GABRB1: variants seen among roughly 807,000 people sequenced by gnomAD.
GABRB1 encodes the protein gamma-aminobutyric acid type A receptor subunit beta1, also known as gamma-aminobutyric acid receptor subunit beta-1.
In GABRB1, 17 loss-of-function variants were observed where a neutral mutation model predicts 51.6. The ratio of observed to expected loss-of-function variants is 0.33; its 90% CI spans 0.23 to 0.49. The LOEUF is 0.49. Among genes scored for constraint, GABRB1 ranks in the 20% least tolerant of loss-of-function variants. GABRB1 has a pLI of 0.99. For missense variants in GABRB1, 410 were observed against 600.6 expected (o/e 0.68, Z 3.32); for synonymous variants, 247 against 218.9 (o/e 1.13, Z -1.14).
intron 3 of GABRB1, among the ~76,000 whole-genome samples, chr4:47,085,842 T>C (rs1728033040): frequency 6.6e-6 from 1 of 152,180 alleles, no homozygotes; most frequent in African/African-American, 2.4e-5. Flanking sequence ...CTCCAGATGC[T>C]CTTTCCCCTC....
chr4:47,312,056 TGTGTGTGTG>T (rs1724707678), intron 4 of GABRB1, among the ~76,000 whole-genome samples: 1 of 143,490 alleles, frequency 7.0e-6, no homozygotes, highest in African/African-American at 2.5e-5. Context: ...TGTGTGTGTG[TGTGTGTGTG>T]TGTGTGCGCG....
intron 5 of GABRB1, among the ~76,000 whole-genome samples, chr4:47,354,868 T>G (rs1726491811): frequency 8.5e-6 from 1 of 118,312 alleles, no homozygotes; most frequent in Non-Finnish European, 1.9e-5. Flanking sequence ...GCTTTTTTTT[T>G]TATACCCTGA....
chr4:47,121,720 A>T (rs1715784786), intron 3 of GABRB1, among the ~76,000 whole-genome samples: 1 of 152,212 alleles, frequency 6.6e-6, no homozygotes, highest in African/African-American at 2.4e-5. Flanking sequence ...TGAATATGCA[A>T]ACTAATTTTT....
intron 4 of GABRB1, among the ~76,000 whole-genome samples, chr4:47,263,100 G>C (rs549264142): frequency 6.6e-6 from 1 of 151,190 alleles, no homozygotes; most frequent in Non-Finnish European, 1.5e-5. Context: ...GCTAAATGAT[G>C]AGTTAATGGG....
chr4:47,176,073 A>G (rs1290026394), intron 4 of GABRB1, among the ~76,000 whole-genome samples: 1 of 152,168 alleles, frequency 6.6e-6, no homozygotes, highest in Non-Finnish European at 1.5e-5. Flanking sequence ...CGTTGAAAAT[A>G]CCATTAGCAA....
At chr4:47,181,819 C>T (rs778227268) in intron 4 of GABRB1, among the ~76,000 whole-genome samples, 12 of 152,116 alleles carry the variant, frequency 7.9e-5, no homozygotes, top group South Asian at 2.1e-4. Flanking sequence ...TCATCTTCCC[C>T]GGGAGAATTT....
intron 5 of GABRB1, among the ~76,000 whole-genome samples, chr4:47,389,641 A>C (rs1298217238): frequency 6.6e-6 from 1 of 152,216 alleles, no homozygotes; most frequent in African/African-American, 2.4e-5. Context: ...TTGGGGTGTC[A>C]TGGAGATACA....
chr4:47,132,064 C>A lies in GABRB1; in HGVS notation c.241-29185C>A, dbSNP rs1381300173. ...TTTTATTTGCTGTGATTTATGAAAT[C>A]ATTTATTTATTGGATATTTAAATGC... On this transcript the variant is annotated intron_variant, in intron 3 of 8. Coordinates refer to ENST00000295454, the MANE Select transcript of GABRB1 (RefSeq NM_000812.4). 2.6e-5 allele frequency among the ~76,000 whole-genome samples: 4 copies of A among 151,884 alleles called. No individual in the cohort carries two copies. In the East Asian group the frequency reaches 7.7e-4, roughly 29 times the overall value.
chr4:47,354,607 G>A (rs73134001), intron 5 of GABRB1, among the ~76,000 whole-genome samples: 2,989 of 152,080 alleles, frequency 0.02, 115 homozygotes, highest in African/African-American at 0.069. Flanking sequence ...TTGTATTGCA[G>A]TCTCTGTGTC....
At chr4:47,127,558 C>T (rs1716213256) in intron 3 of GABRB1, among the ~76,000 whole-genome samples, 2 of 151,628 alleles carry the variant, frequency 1.3e-5, no homozygotes, top group African/African-American at 2.4e-5. Flanking sequence ...AATTCATTAG[C>T]CATTAAAGTG....
intron 4 of GABRB1, among the ~76,000 whole-genome samples, chr4:47,307,347 A>C (rs940435002): frequency 6.6e-6 from 1 of 152,082 alleles, no homozygotes; most frequent in African/African-American, 2.4e-5. Flanking sequence ...TTAGGGATTT[A>C]TGCTCACAAA....
intron 4 of GABRB1, among the ~76,000 whole-genome samples, chr4:47,226,944 A>G (rs1334099939): frequency 6.6e-6 from 1 of 152,202 alleles, no homozygotes; most frequent in Non-Finnish European, 1.5e-5. Context: ...GTGAATAATA[A>G]CCACTGTTGT....
chr4:47,185,043 C>G (rs1719116154), intron 4 of GABRB1, among the ~76,000 whole-genome samples: 1 of 151,830 alleles, frequency 6.6e-6, no homozygotes, highest in Non-Finnish European at 1.5e-5. Flanking sequence ...TTTCACTCCT[C>G]TAAAATAGGC....
At chr4:47,368,581 C>T (rs1416734095) in intron 5 of GABRB1, among the ~76,000 whole-genome samples, 1 of 152,080 alleles carries the variant, frequency 6.6e-6, no homozygotes, top group Non-Finnish European at 1.5e-5. Flanking sequence ...TAGGACAATT[C>T]TAATTATTCC....
chr4:47,026,337 T>A (rs1461980275), intron 1 of GABRB1, among the ~76,000 whole-genome samples: 1 of 151,988 alleles, frequency 6.6e-6, no homozygotes, highest in Admixed American at 6.6e-5. Context: ...AGCTGGAAAG[T>A]GTTCACCAGA....
intron 1 of GABRB1, among the ~76,000 whole-genome samples, chr4:47,004,543 G>A (rs1398283642): frequency 2.6e-5 from 4 of 152,078 alleles, no homozygotes; most frequent in African/African-American, 9.7e-5. Flanking sequence ...AAAAAGAATA[G>A]GTTCCCTGGT....
At chr4:47,373,669 G>T (rs1263291924) in intron 5 of GABRB1, among the ~76,000 whole-genome samples, 2 of 152,146 alleles carry the variant, frequency 1.3e-5, no homozygotes, top group Non-Finnish European at 2.9e-5. Context: ...GCTGTGATTT[G>T]TAAATGCACA....
intron 3 of GABRB1, among the ~76,000 whole-genome samples, chr4:47,110,312 T>G (rs2109625373): frequency 6.6e-6 from 1 of 152,296 alleles, no homozygotes; most frequent in African/African-American, 2.4e-5. Context: ...GGCACTGTTA[T>G]TCTTACCTAT....
intron 4 of GABRB1, among the ~76,000 whole-genome samples, chr4:47,170,909 T>C (rs964522700): frequency 3.3e-5 from 5 of 152,180 alleles, no homozygotes; most frequent in Non-Finnish European, 5.9e-5. Flanking sequence ...GAGAAAGCTA[T>C]TCAAAATGTT....
Sources: gnomAD v4.1 joint callset for allele counts (sites outside exome capture counted in the v4.1 genomes callset) on GRCh38, gnomAD v4.1.1 for gene constraint, MANE v1.5 for transcripts, NCBI Gene and HGNC (gene_info 2026-07-23, HGNC 2026-07-21) for gene names.